Variants in MAML2 observed in about 807,000 individuals in gnomAD.
MAML2 encodes the protein mastermind-like protein 2.
A neutral mutation model predicts 96.1 loss-of-function variants in MAML2; 22 were observed. That is an observed-to-expected ratio of 0.23 (90% CI 0.16 to 0.33). The LOEUF (loss-of-function observed/expected upper bound fraction) is 0.33, where lower values mean the gene tolerates loss of function less well. MAML2 is among the 10% of genes least tolerant of loss of function. The pLI is 1.00. For missense variants in MAML2, 1,367 were observed against 1,392.4 expected (o/e 0.98, Z 0.29); for synonymous variants, 561 against 521.3 (o/e 1.08, Z -1.04).
chr11:96,137,878 A>G (rs1158255585), intron 1 of MAML2, among the ~76,000 whole-genome samples: 2 of 152,116 alleles, frequency 1.3e-5, no homozygotes, highest in African/African-American at 4.8e-5. Context: ...TTATGTGCTA[A>G]TTATATGAAA....
chr11:96,313,243 T>C (rs755754491), intron 1 of MAML2, among the ~76,000 whole-genome samples: 3 of 152,116 alleles, frequency 2.0e-5, no homozygotes, highest in Non-Finnish European at 4.4e-5. Context: ...AGACCAATAG[T>C]CTAACTCTAA....
intron 1 of MAML2, among the ~76,000 whole-genome samples, chr11:96,244,117 T>G (rs1862479137): frequency 6.6e-6 from 1 of 152,216 alleles, no homozygotes; most frequent in African/African-American, 2.4e-5. Context: ...TAATAAAAAC[T>G]TGGGGCTGTG....
intron 1 of MAML2, among the ~76,000 whole-genome samples, chr11:96,322,011 T>C (rs1474617600): frequency 6.6e-6 from 1 of 152,170 alleles, no homozygotes; most frequent in Non-Finnish European, 1.5e-5. Context: ...AAATTGCTTT[T>C]GGTAAATATG....
At chr11:96,186,679 A>G (rs1362172612) in intron 1 of MAML2, among the ~76,000 whole-genome samples, 1 of 152,200 alleles carries the variant, frequency 6.6e-6, no homozygotes, top group Non-Finnish European at 1.5e-5. Flanking sequence ...CATGCATTTT[A>G]TTTTCACAAC....
At chr11:96,084,331 A>G (rs895529783) in intron 2 of MAML2, among the ~76,000 whole-genome samples, 3 of 152,270 alleles carry the variant, frequency 2.0e-5, no homozygotes, top group East Asian at 3.9e-4. Context: ...TCAAATTCCT[A>G]TTTTAGAATG....
chr11:96,256,854 A>G (rs1326239400), intron 1 of MAML2, among the ~76,000 whole-genome samples: 1 of 152,218 alleles, frequency 6.6e-6, no homozygotes, highest in Non-Finnish European at 1.5e-5. Context: ...TGCCATAAAT[A>G]TCTCAACAGA....
In MAML2 at chr11:95,979,475, C is replaced by A; in HGVS notation, c.2944G>T (p.Ala982Ser). The change falls in exon 5 of 5, where the codon GCA becomes TCA. Residue 982 changes from alanine to serine, a missense_variant. Transcript: ENST00000524717. ...TSKQQEALTSAGVRFPTGTPA... is the reference protein window; with the variant it reads ...TSKQQEALTSSGVRFPTGTPA... ...GTACCTGTGGGGAAGCGGACTCCTG[C>A]AGACGTCAGGGCTTCTTGCTGTTTG... 1.9e-6 allele frequency: 3 copies of A among 1,613,506 alleles called. No homozygotes were observed. The highest frequency in any genetic ancestry group is 1.1e-5 in the South Asian group (1 of 91,006).
chr11:96,155,509 A>AATATATATATATATATATATATATATAT (rs56860340), intron 1 of MAML2, among the ~76,000 whole-genome samples: 5 of 74,854 alleles, frequency 6.7e-5, no homozygotes, highest in Non-Finnish European at 7.5e-5. Context: ...TAACAATTCA[A>AATATATATATATATATATATATATATAT]ATATATATAT....
chr11:96,174,576 G>A (rs962978187), intron 1 of MAML2, among the ~76,000 whole-genome samples: 1 of 152,132 alleles, frequency 6.6e-6, no homozygotes, highest in African/African-American at 2.4e-5. Flanking sequence ...TAGAGACGGG[G>A]TTTCACCATG....
chr11:96,262,448 C>G (rs1035087737), intron 1 of MAML2, among the ~76,000 whole-genome samples: 1 of 150,722 alleles, frequency 6.6e-6, no homozygotes, highest in African/African-American at 2.4e-5. Context: ...ACCATTTGTT[C>G]TTATTTTTAA....
chr11:96,103,143 T>C (rs1263237111), intron 1 of MAML2, among the ~76,000 whole-genome samples: 1 of 152,196 alleles, frequency 6.6e-6, no homozygotes, highest in Admixed American at 6.5e-5. Context: ...TTCTGTCTTA[T>C]ATTGTTCTTG....
chr11:96,310,260 A>C (rs1565280296), intron 1 of MAML2, among the ~76,000 whole-genome samples: 1 of 152,206 alleles, frequency 6.6e-6, no homozygotes, highest in Non-Finnish European at 1.5e-5. Context: ...AAGTAATGTA[A>C]AAATCAGTAT....
At chr11:96,165,134 A>G (rs771269223) in intron 1 of MAML2, among the ~76,000 whole-genome samples, 18 of 152,236 alleles carry the variant, frequency 1.2e-4, no homozygotes, top group Non-Finnish European at 2.2e-4. Context: ...TTTTTCAGAT[A>G]AATTGACCTC....
At chr11:96,258,911 C>T (rs1466886212) in intron 1 of MAML2, among the ~76,000 whole-genome samples, 1 of 151,980 alleles carries the variant, frequency 6.6e-6, no homozygotes, top group East Asian at 1.9e-4. Flanking sequence ...GCCTTTTATA[C>T]AGGAAGCTGT....
chr11:96,164,725 A>G (rs1861164719), intron 1 of MAML2, among the ~76,000 whole-genome samples: 1 of 152,190 alleles, frequency 6.6e-6, no homozygotes, highest in African/African-American at 2.4e-5. Context: ...CAAAGATCTG[A>G]TGGGCACCGC....
chr11:96,218,524 G>C (rs1408220765), intron 1 of MAML2, among the ~76,000 whole-genome samples: 1 of 152,148 alleles, frequency 6.6e-6, no homozygotes, highest in Non-Finnish European at 1.5e-5. Flanking sequence ...TAAAAACTCA[G>C]AGATTTTTAT....
intron 1 of MAML2, among the ~76,000 whole-genome samples, chr11:96,206,478 A>G (rs575615406): frequency 5.8e-4 from 88 of 152,216 alleles, no homozygotes; most frequent in African/African-American, 1.8e-3. Context: ...TGTACCTGTA[A>G]TCCTAGCCAC....
At chr11:95,999,056 A>G (rs939037379) in intron 2 of MAML2, among the ~76,000 whole-genome samples, 1 of 152,178 alleles carries the variant, frequency 6.6e-6, no homozygotes, top group African/African-American at 2.4e-5. Context: ...AGGCAGTTTG[A>G]AGTCCTTTTG....
chr11:96,150,199 A>G (rs1860897276), intron 1 of MAML2, among the ~76,000 whole-genome samples: 1 of 152,242 alleles, frequency 6.6e-6, no homozygotes, highest in Non-Finnish European at 1.5e-5. Context: ...TTCATACATC[A>G]AACATTTACT....
Sources: allele counts gnomAD v4.1 joint callset (sites outside exome capture counted in the v4.1 genomes callset), GRCh38; gene constraint gnomAD v4.1.1; transcripts MANE v1.5; gene names NCBI Gene and HGNC (gene_info 2026-07-23, HGNC 2026-07-21).